The following ERC2 variants were observed in gnomAD, a reference collection of about 807,000 sequenced individuals.
ERC2 encodes ERC protein 2.
ERC2 carries 42 observed loss-of-function variants against 114.8 expected under a neutral mutation model. That is an observed-to-expected ratio of 0.37 (90% CI 0.29 to 0.47). ERC2 has a LOEUF of 0.47. Ranked by LOEUF, ERC2 falls within the 20% of genes least tolerant of loss-of-function variation. The probability of loss-of-function intolerance (pLI) is 0.99; values close to 1 mark genes in which losing one functional copy is unlikely to be tolerated. For missense variants in ERC2, 939 were observed against 1,150.7 expected (o/e 0.82, Z 2.66); for synonymous variants, 454 against 425.5 (o/e 1.07, Z -0.82).
At chr3:55,773,894 C>T (rs139094285) in intron 14 of ERC2, among the ~76,000 whole-genome samples, 11 of 152,262 alleles carry the variant, frequency 7.2e-5, no homozygotes, top group South Asian at 6.2e-4. Context: ...GGAAAGAAGG[C>T]GGCTTTTGTG....
At position 55,948,529 on chromosome 3, in the gene ERC2, C is replaced by T. The variant is rs893114018; in HGVS notation, c.2403+1896G>A. Reference sequence around the variant, plus strand: ...GAGGTTTACTCTCTATTAACCTTAACCAGAGACATTTTCATCAAAATTAAT... The same window carrying T: ...GAGGTTTACTCTCTATTAACCTTAATCAGAGACATTTTCATCAAAATTAAT... On this transcript the variant is annotated intron_variant, in intron 13 of 17. Transcript: ENST00000288221. Among the ~76,000 whole-genome samples, 13 of 152,198 alleles carry T rather than the reference C, an allele frequency of 8.5e-5. No homozygotes were observed. The East Asian group carries it at 2.5e-3, about 29-fold the overall frequency.
chr3:55,686,635 A>G (rs918602917), intron 16 of ERC2, among the ~76,000 whole-genome samples: 3 of 152,360 alleles, frequency 2.0e-5, no homozygotes, highest in Non-Finnish European at 4.4e-5. Flanking sequence ...ACCCAAAAAT[A>G]AGAAACAGAC....
At chr3:56,324,950 G>A (rs2057291246) in intron 2 of ERC2, among the ~76,000 whole-genome samples, 1 of 151,526 alleles carries the variant, frequency 6.6e-6, no homozygotes, top group South Asian at 2.1e-4. Flanking sequence ...TCAGTTTTCA[G>A]TTCTTTGTTC....
chr3:56,118,271 T>C (rs2079362468), intron 6 of ERC2, among the ~76,000 whole-genome samples: 1 of 152,196 alleles, frequency 6.6e-6, no homozygotes. Flanking sequence ...GAGCAGGGTC[T>C]ATAAAATGGG....
At chr3:55,626,825 G>C (rs1477415769) in intron 17 of ERC2, among the ~76,000 whole-genome samples, 1 of 152,182 alleles carries the variant, frequency 6.6e-6, no homozygotes, top group African/African-American at 2.4e-5. Context: ...CCTTCAACAC[G>C]TTCAGAGCCA....
chr3:56,238,011 A>C (rs965841767), intron 3 of ERC2, among the ~76,000 whole-genome samples: 9 of 152,238 alleles, frequency 5.9e-5, no homozygotes, highest in Admixed American at 5.9e-4. Context: ...GAGCTGCATA[A>C]TGTTGCCCAA....
rs916901418 is a variant in ERC2, at chr3:55,627,444, C to T, written c.*39+56350G>A. On this transcript the variant is annotated intron_variant, in intron 17 of 17. Coordinates refer to ENST00000288221, the MANE Select transcript of ERC2 (RefSeq NM_015576.3). The stretch of plus-strand genomic sequence containing the variant: ...TCACGCCATTGTACCCTAGCCTGGG[C>T]GACAGAGCGAGACTCCATCTCAAAA... Among the ~76,000 whole-genome samples the T allele has an allele frequency of 1.6e-4, 24 of 151,332 alleles. No homozygotes were observed. In the East Asian group the frequency reaches 1.7e-3, roughly 11 times the overall value.
At chr3:56,362,992 T>C (rs1223733302) in intron 2 of ERC2, among the ~76,000 whole-genome samples, 1 of 152,178 alleles carries the variant, frequency 6.6e-6, no homozygotes, top group African/African-American at 2.4e-5. Flanking sequence ...ATAGTTGCAA[T>C]TGGTTTTTAG....
intron 3 of ERC2, among the ~76,000 whole-genome samples, chr3:56,278,482 G>T (rs749603292): frequency 2.6e-5 from 4 of 152,178 alleles, no homozygotes; most frequent in Non-Finnish European, 5.9e-5. Context: ...ATGTAACATA[G>T]GATCCTGGAA....
chr3:56,179,078 C>T (rs1027863732), intron 3 of ERC2, among the ~76,000 whole-genome samples: 5 of 146,552 alleles, frequency 3.4e-5, no homozygotes, highest in African/African-American at 1.2e-4. Context: ...AAAAAAGTCA[C>T]AAAAAAACTC....
intron 17 of ERC2, among the ~76,000 whole-genome samples, chr3:55,568,460 G>A (rs1384315113): frequency 6.6e-6 from 1 of 152,200 alleles, no homozygotes; most frequent in Non-Finnish European, 1.5e-5. Flanking sequence ...CATTCTGGAT[G>A]GCGGCAGCCT....
At chr3:55,796,961 A>G (rs2070560806) in intron 14 of ERC2, among the ~76,000 whole-genome samples, 1 of 152,258 alleles carries the variant, frequency 6.6e-6, no homozygotes, top group Non-Finnish European at 1.5e-5. Context: ...AGAGCAAGTA[A>G]CAGGCTTTAA....
At chr3:56,031,831 A>G (rs1201784616) in intron 7 of ERC2, among the ~76,000 whole-genome samples, 1 of 152,228 alleles carries the variant, frequency 6.6e-6, no homozygotes, top group Non-Finnish European at 1.5e-5. Context: ...AAAGAACACA[A>G]CTAAACTTGA....
intron 17 of ERC2, among the ~76,000 whole-genome samples, chr3:55,553,684 G>C (rs1227530351): frequency 1.3e-5 from 2 of 152,020 alleles, no homozygotes; most frequent in East Asian, 3.9e-4. Context: ...GGAGGCTGAG[G>C]CAGGAGAATG....
chr3:56,040,580 C>CGT (rs1560072288), intron 7 of ERC2, among the ~76,000 whole-genome samples: 15 of 74,578 alleles, frequency 2.0e-4, no homozygotes, highest in African/African-American at 5.7e-4. Flanking sequence ...TATATGTATA[C>CGT]ATATACATAT....
intron 13 of ERC2, among the ~76,000 whole-genome samples, chr3:55,922,381 G>A (rs576486387): frequency 2.0e-5 from 3 of 152,092 alleles, no homozygotes; most frequent in African/African-American, 7.2e-5. Context: ...GGGTTTTGAG[G>A]CTTTGGAGCC....
chr3:55,592,235 C>G (rs765615509), intron 17 of ERC2, among the ~76,000 whole-genome samples: 1 of 152,226 alleles, frequency 6.6e-6, no homozygotes, highest in Non-Finnish European at 1.5e-5. Context: ...GTGGGCATAT[C>G]CCCGTATCTG....
chr3:55,850,804 T>G (rs752123328), intron 14 of ERC2, among the ~76,000 whole-genome samples: 2 of 150,172 alleles, frequency 1.3e-5, no homozygotes, highest in Non-Finnish European at 2.9e-5. Context: ...GCACTCTGAA[T>G]GAAACCTCCT....
intron 17 of ERC2, among the ~76,000 whole-genome samples, chr3:55,626,745 C>T (rs1048051244): frequency 1.3e-5 from 2 of 152,236 alleles, no homozygotes; most frequent in Admixed American, 6.5e-5. Flanking sequence ...ACCATAGAAG[C>T]TCCACAGTAC....
Sources: gnomAD v4.1 joint callset for allele counts (sites outside exome capture counted in the v4.1 genomes callset) on GRCh38, gnomAD v4.1.1 for gene constraint, MANE v1.5 for transcripts, NCBI Gene and HGNC (gene_info 2026-07-23, HGNC 2026-07-21) for gene names.